The following MACROD2 variants were observed in gnomAD, a reference collection of about 807,000 sequenced individuals.
The protein encoded by MACROD2 is mono-ADP ribosylhydrolase 2.
In MACROD2, 36 loss-of-function variants were observed where a neutral mutation model predicts 70.4. That is an observed-to-expected ratio of 0.51 (90% confidence interval 0.39 to 0.68). The LOEUF (loss-of-function observed/expected upper bound fraction) is 0.68. MACROD2 is among the 30% of genes least tolerant of loss of function. The probability of loss-of-function intolerance (pLI) is 0.00; values close to 1 mark genes in which losing one functional copy is unlikely to be tolerated. For synonymous variants in MACROD2, 172 were observed against 178.8 expected, an observed-to-expected ratio of 0.96 and a Z score of 0.30; for missense variants, 496 against 538.4, an observed-to-expected ratio of 0.92 and a Z score of 0.78.
chr20:14,893,815 C>T (rs946290223), intron 5 of MACROD2: 3 of 152,078 alleles, frequency 2.0e-5, no homozygotes, highest in Non-Finnish European at 2.9e-5. Context: ...GACAGAGCCT[C>T]GCTCTGTTGC....
intron 3 of MACROD2, among the ~76,000 whole-genome samples, chr20:14,130,417 G>A (rs1172591422): frequency 6.6e-6 from 1 of 151,954 alleles, no homozygotes; most frequent in African/African-American, 2.4e-5. Context: ...GCGTGATGGC[G>A]GGAGCCTGTA....
At chr20:14,037,323 T>C (rs983969865) in intron 2 of MACROD2, among the ~76,000 whole-genome samples, 1 of 152,238 alleles carries the variant, frequency 6.6e-6, no homozygotes, top group Non-Finnish European at 1.5e-5. Flanking sequence ...TATAGGTTTC[T>C]ATAAAAATTC....
intron 3 of MACROD2, among the ~76,000 whole-genome samples, chr20:14,452,327 C>T (rs1347215674): frequency 6.6e-6 from 1 of 151,902 alleles, no homozygotes. Flanking sequence ...GACATAGAAA[C>T]ATCTTAACAT....
intron 1 of MACROD2, among the ~76,000 whole-genome samples, chr20:13,999,976 T>C (rs1394163652): frequency 6.6e-6 from 1 of 152,152 alleles, no homozygotes; most frequent in Non-Finnish European, 1.5e-5. Context: ...ATCGCGCTAC[T>C]GCACTCCAGC....
intron 5 of MACROD2, among the ~76,000 whole-genome samples, chr20:14,914,647 C>T (rs926003948): frequency 1.3e-5 from 2 of 152,156 alleles, no homozygotes; most frequent in Non-Finnish European, 2.9e-5. Context: ...GCATGTTTGA[C>T]AGCTATAGGA....
chr20:15,991,729 C>T (rs1377497076), intron 15 of MACROD2, among the ~76,000 whole-genome samples: 1 of 152,102 alleles, frequency 6.6e-6, no homozygotes, highest in Non-Finnish European at 1.5e-5. Context: ...ATTAGCAGCA[C>T]AATCATTTAG....
At chr20:14,433,812 A>G (rs537616971) in intron 3 of MACROD2, among the ~76,000 whole-genome samples, 9 of 151,950 alleles carry the variant, frequency 5.9e-5, no homozygotes, top group African/African-American at 2.2e-4. Context: ...TTTTTTTTTC[A>G]ATCTGGGAAA....
At chr20:15,483,113 G>A (rs2047120602) in intron 7 of MACROD2, among the ~76,000 whole-genome samples, 1 of 152,046 alleles carries the variant, frequency 6.6e-6, no homozygotes. Context: ...TGTATTTGGT[G>A]TCATATCTAA....
intron 2 of MACROD2, among the ~76,000 whole-genome samples, chr20:14,059,031 C>T (rs2053663309): frequency 6.6e-6 from 1 of 152,080 alleles, no homozygotes. Context: ...TGTTTTCTTT[C>T]TACGTGTGTA....
Position 14,640,512 on chromosome 20 carries a change from C to A in MACROD2, c.302-44331C>A, listed in dbSNP as rs377474328. On this transcript the variant is annotated intron_variant, in intron 4 of 17. Transcript: ENST00000684519. ...GAGCTTTATAGTCTACTGGGAGAGA[C>A]AGGTGGCAAGGTCAAAGAGTGCTGA... 1.2e-3 allele frequency among the ~76,000 whole-genome samples: 179 copies of A among 152,214 alleles called. 8 individuals are homozygous for A. The South Asian group carries it at 0.036, about 31-fold the overall frequency.
At chr20:15,947,737 A>G (rs900216109) in intron 12 of MACROD2, among the ~76,000 whole-genome samples, 2 of 152,216 alleles carry the variant, frequency 1.3e-5, no homozygotes, top group African/African-American at 4.8e-5. Flanking sequence ...TGTACATAAC[A>G]GTTTCTATAA....
intron 3 of MACROD2, chr20:14,337,388 C>A: frequency 3.5e-4 from 94 of 265,108 alleles, no homozygotes; most frequent in Non-Finnish European, 4.5e-4. Context: ...TAAGAAAAAA[C>A]ATGGAAAACA....
intron 4 of MACROD2, among the ~76,000 whole-genome samples, chr20:14,597,433 G>T (rs1272568698): frequency 5.3e-5 from 8 of 152,120 alleles, no homozygotes; most frequent in Non-Finnish European, 1.5e-5. Flanking sequence ...CAAAGAGTGA[G>T]TTGACTTGGA....
chr20:14,600,365 C>A (rs1292696428), intron 4 of MACROD2, among the ~76,000 whole-genome samples: 2 of 127,660 alleles, frequency 1.6e-5, no homozygotes, highest in South Asian at 3.1e-4. Context: ...CACACACACA[C>A]AAATATATAT....
intron 4 of MACROD2, among the ~76,000 whole-genome samples, chr20:14,673,305 G>A (rs929405894): frequency 2.0e-5 from 3 of 152,162 alleles, no homozygotes; most frequent in African/African-American, 4.8e-5. Context: ...TTAACACAGG[G>A]CCCAATTGCT....
intron 5 of MACROD2, among the ~76,000 whole-genome samples, chr20:14,694,689 T>C (rs1232685811): frequency 1.3e-5 from 2 of 152,172 alleles, no homozygotes; most frequent in African/African-American, 2.4e-5. Flanking sequence ...AATCCATCAG[T>C]ATATGTGCAA....
intron 5 of MACROD2, among the ~76,000 whole-genome samples, chr20:14,696,138 A>G (rs1300379436): frequency 6.6e-6 from 1 of 152,182 alleles, no homozygotes; most frequent in Non-Finnish European, 1.5e-5. Context: ...AGCATATTAC[A>G]TTGGAAAAAC....
intron 5 of MACROD2, among the ~76,000 whole-genome samples, chr20:14,979,432 C>T (rs1450160121): frequency 6.6e-6 from 1 of 151,930 alleles, no homozygotes; most frequent in Non-Finnish European, 1.5e-5. Flanking sequence ...AAAGAACCAA[C>T]AAAAAAGTCA....
chr20:15,891,117 C>G (rs905111216), intron 10 of MACROD2, among the ~76,000 whole-genome samples: 8 of 152,012 alleles, frequency 5.3e-5, no homozygotes, highest in African/African-American at 1.9e-4. Context: ...TTCTGGTGAG[C>G]CTTTAGATTA....
Sources: allele counts gnomAD v4.1 joint callset (sites outside exome capture counted in the v4.1 genomes callset), GRCh38; gene constraint gnomAD v4.1.1; transcripts MANE v1.5; gene names NCBI Gene and HGNC (gene_info 2026-07-23, HGNC 2026-07-21).